The following CARMIL1 variants were observed in gnomAD, a reference collection of about 807,000 sequenced individuals.
The protein encoded by CARMIL1 is capping protein regulator and myosin 1 linker 1, also known as F-actin-uncapping protein LRRC16A.
In CARMIL1, 90 loss-of-function variants were observed where a neutral mutation model predicts 177.1. That is an observed-to-expected ratio of 0.51 (90% confidence interval 0.43 to 0.61). The LOEUF (loss-of-function observed/expected upper bound fraction) is 0.61. CARMIL1 is among the 20% of genes least tolerant of loss of function. CARMIL1 has a pLI of 0.00. For missense variants in CARMIL1, 1,380 were observed against 1,667.0 expected (o/e 0.83, Z 3.00); for synonymous variants, 577 against 606.2 (o/e 0.95, Z 0.71).
At chr6:25,305,116 C>T (rs961558241) in intron 2 of CARMIL1, among the ~76,000 whole-genome samples, 17 of 152,246 alleles carry the variant, frequency 1.1e-4, no homozygotes, top group African/African-American at 3.1e-4. Flanking sequence ...GTCCTGGTGG[C>T]AGAAGACATT....
Position 25,466,163 on chromosome 6 carries a change from G to C in CARMIL1, c.690+215G>C, listed in dbSNP as rs112020824. Among the ~76,000 whole-genome samples the C allele has an allele frequency of 8.9e-3, 1,349 of 152,128 alleles. 20 individuals are homozygous for C. The highest frequency in any genetic ancestry group is 0.03 in the African/African-American group (1,229 of 41,512). On this transcript the variant is annotated intron_variant, in intron 9 of 36. Coordinates refer to ENST00000329474, the MANE Select transcript of CARMIL1 (RefSeq NM_017640.6). The stretch of plus-strand genomic sequence containing the variant: ...ATTTCCTCATGTATTCAGCTGTTTC[G>C]GGCAATTTAAGAAGATGAACAAAAA...
intron 28 of CARMIL1, among the ~76,000 whole-genome samples, chr6:25,555,833 C>T (rs1466922070): frequency 6.6e-6 from 1 of 152,182 alleles, no homozygotes; most frequent in African/African-American, 2.4e-5. Flanking sequence ...GTGAGAACTA[C>T]ACTGAAAGTT....
intron 11 of CARMIL1, among the ~76,000 whole-genome samples, chr6:25,481,655 C>G (rs949228435): frequency 2.6e-5 from 4 of 152,108 alleles, no homozygotes; most frequent in African/African-American, 9.7e-5. Context: ...TTCCCAATCT[C>G]CCACTCTGGT....
At position 25,443,663 on chromosome 6, in the gene CARMIL1, T is replaced by C. The variant is rs1354171753; in HGVS notation, c.372-6235T>C. Among the ~76,000 whole-genome samples the C allele has an allele frequency of 2.0e-5, 3 of 152,232 alleles. No homozygotes were observed. The East Asian group carries it at 5.8e-4, about 29-fold the overall frequency. On this transcript the variant is annotated intron_variant, in intron 5 of 36. Transcript: ENST00000329474. ...GAATATATATACCTTAAAAATACTT[T>C]GTTGCTAAAAAATGCTAACAGTCAC...
intron 2 of CARMIL1, among the ~76,000 whole-genome samples, chr6:25,316,133 TG>T (rs1248625577): frequency 1.3e-5 from 2 of 152,228 alleles, no homozygotes; most frequent in African/African-American, 4.8e-5. Context: ...GACGTTAAAC[TG>T]AGAAATGCTT....
intron 11 of CARMIL1, among the ~76,000 whole-genome samples, chr6:25,476,652 C>T (rs1282300077): frequency 6.6e-6 from 1 of 152,050 alleles, no homozygotes; most frequent in African/African-American, 2.4e-5. Context: ...CTAGAGAAAA[C>T]TTTTAGTAAT....
chr6:25,289,216 G>A (rs550656173), intron 2 of CARMIL1, among the ~76,000 whole-genome samples: 7 of 152,254 alleles, frequency 4.6e-5, no homozygotes, highest in African/African-American at 1.7e-4. Context: ...GGCTTGACAT[G>A]TCATATGTTG....
At chr6:25,439,072 A>G (rs1797488765) in intron 5 of CARMIL1, among the ~76,000 whole-genome samples, 1 of 151,984 alleles carries the variant, frequency 6.6e-6, no homozygotes, top group South Asian at 2.1e-4. Context: ...CAGTGAGGAA[A>G]GAAAGAGAAG....
intron 5 of CARMIL1, among the ~76,000 whole-genome samples, chr6:25,437,569 G>C (rs1001551398): frequency 6.6e-6 from 1 of 152,138 alleles, no homozygotes; most frequent in Non-Finnish European, 1.5e-5. Flanking sequence ...CTGTACCCAG[G>C]TCTTCGTCCC....
chr6:25,550,990 G>C lies in CARMIL1; in HGVS notation c.2409G>C (p.Leu803Phe), dbSNP rs1393408514. 17 of 1,613,492 alleles carry C rather than the reference G, an allele frequency of 1.1e-5. No individual in the cohort carries two copies. The highest frequency in any genetic ancestry group is 1.4e-5 in the Non-Finnish European group (17 of 1,179,546). Reference protein sequence around the residue: ...VMKKAHIRQDLIHASTEKISI... With the variant: ...VMKKAHIRQDFIHASTEKISI... ...AAAAAGCCCACATTCGACAAGACTT[G>C]ATTCATGCCAGCACCGAAAAGATTT... Residue 803 changes from leucine (L) to phenylalanine (F), a missense_variant, in exon 27 of 37, where the codon TTG becomes TTC. Leu to Phe is a conservative substitution (Grantham distance 22). Transcript: ENST00000329474.
intron 2 of CARMIL1, among the ~76,000 whole-genome samples, chr6:25,364,713 G>A (rs1451570819): frequency 6.6e-6 from 1 of 152,004 alleles, no homozygotes. Context: ...ACAAGTGCCC[G>A]CCACCACGCC....
chr6:25,562,420 G>C (rs541844631), intron 29 of CARMIL1, among the ~76,000 whole-genome samples: 2 of 151,774 alleles, frequency 1.3e-5, no homozygotes, highest in African/African-American at 4.8e-5. Context: ...GCTAATTTTT[G>C]TATTTTTTAG....
intron 8 of CARMIL1, chr6:25,452,261 T>C: frequency 1.3e-6 from 1 of 762,370 alleles, no homozygotes. Flanking sequence ...GTTCTCCTTC[T>C]TCCTATAAGT....
chr6:25,535,839 A>T (rs1304703122), intron 24 of CARMIL1, among the ~76,000 whole-genome samples: 1 of 152,180 alleles, frequency 6.6e-6, no homozygotes, highest in Non-Finnish European at 1.5e-5. Context: ...GAGCTCTTTC[A>T]TGGTAAAGGA....
intron 36 of CARMIL1, among the ~76,000 whole-genome samples, chr6:25,618,058 C>T (rs1012651174): frequency 6.6e-6 from 1 of 152,034 alleles, no homozygotes; most frequent in Non-Finnish European, 1.5e-5. Flanking sequence ...TTTTTCCTTT[C>T]AGAGTTTTGA....
chr6:25,296,939 C>CTATCTATATT lies in CARMIL1; in HGVS notation c.138+12032_138+12033insTCTATATTTA, dbSNP rs79382581. On this transcript the variant is annotated intron_variant, in intron 2 of 36. Transcript: ENST00000329474. The stretch of plus-strand genomic sequence containing the variant: ...TATCTATCTATCTATCTATCTTTAA[C>CTATCTATATT]TAACTAACTAACTAACTAACTAACT... Among the ~76,000 whole-genome samples the CTATCTATATT allele has an allele frequency of 2.4e-5, 3 of 126,118 alleles. No individual in the cohort carries two copies. The South Asian group carries it at 7.0e-4, about 29-fold the overall frequency. The allele number at this position is 126,118 out of a possible 152,430, so 82.7% of individuals were successfully genotyped here.
chr6:25,382,723 A>C (rs555518920), intron 2 of CARMIL1, among the ~76,000 whole-genome samples: 3 of 151,820 alleles, frequency 2.0e-5, no homozygotes, highest in Non-Finnish European at 4.4e-5. Flanking sequence ...TCATTGGTGC[A>C]TTTTTACAGA....
At chr6:25,303,650 T>C (rs1216414498) in intron 2 of CARMIL1, among the ~76,000 whole-genome samples, 1 of 152,270 alleles carries the variant, frequency 6.6e-6, no homozygotes, top group Non-Finnish European at 1.5e-5. Flanking sequence ...TAGTGTGTTA[T>C]CTTTTACACA....
chr6:25,616,080 TA>T lies in CARMIL1; in HGVS notation c.3980-3363del, dbSNP rs372804781. Among the ~76,000 whole-genome samples the T allele has an allele frequency of 1.2e-3, 185 of 152,338 alleles. 1 individual carries two copies. Among genetic ancestry groups the T allele is most frequent in the African/African-American group, 4.3e-3 (178 of 41,568 alleles). Reference sequence around the variant, plus strand: ...ATCTTCTATTAACTTTAGTAGTATGTAAAATAGTGATAAATATGTAAATAGA... The same window carrying T: ...ATCTTCTATTAACTTTAGTAGTATGTAAATAGTGATAAATATGTAAATAGA... On this transcript the variant is annotated intron_variant, in intron 36 of 36. Transcript: ENST00000329474.
Sources: gnomAD v4.1 joint callset for allele counts (sites outside exome capture counted in the v4.1 genomes callset) on GRCh38, gnomAD v4.1.1 for gene constraint, MANE v1.5 for transcripts, NCBI Gene and HGNC (gene_info 2026-07-23, HGNC 2026-07-21) for gene names.